JPH3: variants seen among roughly 807,000 people sequenced by gnomAD.
The protein encoded by JPH3 is junctophilin-3.
A neutral mutation model predicts 59.6 loss-of-function variants in JPH3; 11 were observed. The observed-to-expected ratio is 0.18, with a 90% CI of 0.12 to 0.31. The LOEUF (loss-of-function observed/expected upper bound fraction) is 0.31. JPH3 is among the 10% of genes least tolerant of loss of function. JPH3 has a pLI of 1.00. For missense variants in JPH3, 1,202 were observed against 1,105.7 expected, an observed-to-expected ratio of 1.09 and a Z score of -1.24; for synonymous variants, 673 against 483.6, an observed-to-expected ratio of 1.39 and a Z score of -5.14.
chr16:87,604,833 G>T, intron 1 of JPH3: 1 of 389,916 alleles, frequency 2.6e-6, no homozygotes, highest in East Asian at 7.6e-5. Context: ...GCTCCTGCCT[G>T]TCAAAGCCGT....
intron 2 of JPH3, among the ~76,000 whole-genome samples, chr16:87,673,483 ACTTCTGGAAGTAT>A (rs1436320034): frequency 5.3e-5 from 8 of 152,180 alleles, no homozygotes. Flanking sequence ...CAACAGCGGC[ACTTCTGGAAGTAT>A]CTTCTGAAGA....
chr16:87,605,418 G>C lies in JPH3; in HGVS notation c.382+1890G>C, dbSNP rs1329633353. On this transcript the variant is annotated intron_variant, in intron 1 of 4. Coordinates refer to ENST00000284262, the MANE Select transcript of JPH3 (RefSeq NM_020655.4). ...CACACTGAGCAAAGCAGACAGCCAG[G>C]TGTCCTAGGCTTTGGAAAAACCACA... 2.0e-5 allele frequency among the ~76,000 whole-genome samples: 3 copies of C among 152,166 alleles called. No homozygotes were observed. The East Asian group carries it at 5.8e-4, about 29-fold the overall frequency.
At chr16:87,679,811 C>T (rs1054403822) in intron 2 of JPH3, among the ~76,000 whole-genome samples, 2 of 152,234 alleles carry the variant, frequency 1.3e-5, no homozygotes, top group Non-Finnish European at 2.9e-5. Flanking sequence ...GCCAGGGGCC[C>T]CCTCAGCACA....
chr16:87,687,093 C>A (rs1187924635), intron 3 of JPH3, among the ~76,000 whole-genome samples: 2 of 152,184 alleles, frequency 1.3e-5, no homozygotes, highest in Admixed American at 1.3e-4. Context: ...TTGATCCAAG[C>A]ATTTCTTGTT....
At chr16:87,641,742 C>T (rs532652017) in intron 1 of JPH3, among the ~76,000 whole-genome samples, 4 of 152,360 alleles carry the variant, frequency 2.6e-5, no homozygotes, top group East Asian at 3.9e-4. Flanking sequence ...GGGCTCTGTC[C>T]GGGGCTGCAG....
intron 1 of JPH3, among the ~76,000 whole-genome samples, chr16:87,628,797 C>T (rs369136725): frequency 2.6e-5 from 4 of 151,874 alleles, no homozygotes; most frequent in African/African-American, 7.3e-5. Flanking sequence ...TGGGTGAGGT[C>T]GGGGTAAGAG....
At chr16:87,665,420 C>G (rs1597275640) in intron 2 of JPH3, among the ~76,000 whole-genome samples, 1 of 152,374 alleles carries the variant, frequency 6.6e-6, no homozygotes, top group East Asian at 1.9e-4. Flanking sequence ...ACCCCGGACC[C>G]CGCACTTTGC....
chr16:87,619,194 TC>T (rs896263371), intron 1 of JPH3, among the ~76,000 whole-genome samples: 1 of 151,688 alleles, frequency 6.6e-6, no homozygotes, highest in Admixed American at 6.6e-5. Context: ...GTGCCTGTAG[TC>T]CCAGCTATGA....
intron 1 of JPH3, among the ~76,000 whole-genome samples, chr16:87,625,000 T>C (rs2031318817): frequency 6.6e-6 from 1 of 152,188 alleles, no homozygotes; most frequent in African/African-American, 2.4e-5. Context: ...GGTATCAACA[T>C]GTTGGCCAGG....
intron 2 of JPH3, among the ~76,000 whole-genome samples, chr16:87,668,009 T>G (rs779140789): frequency 5.9e-5 from 9 of 152,188 alleles, no homozygotes; most frequent in Non-Finnish European, 7.4e-5. Context: ...CTCTGTGGCT[T>G]CAGAAACTTA....
At chr16:87,638,781 T>C (rs560170095) in intron 1 of JPH3, among the ~76,000 whole-genome samples, 1 of 151,988 alleles carries the variant, frequency 6.6e-6, no homozygotes, top group Non-Finnish European at 1.5e-5. Flanking sequence ...AGCCATAGAG[T>C]GCTGAGAATT....
chr16:87,687,652 G>A (rs756676038), intron 3 of JPH3, among the ~76,000 whole-genome samples: 1 of 152,196 alleles, frequency 6.6e-6, no homozygotes, highest in East Asian at 1.9e-4. Context: ...GGGGCTTCAC[G>A]AGGACCCGCC....
intron 2 of JPH3, among the ~76,000 whole-genome samples, chr16:87,656,480 C>T (rs545626952): frequency 1.5e-4 from 23 of 152,282 alleles, no homozygotes; most frequent in African/African-American, 4.8e-4. Context: ...TCTGCAACGA[C>T]GGGATCAGAT....
At chr16:87,684,670 G>A (rs1403363821) in intron 3 of JPH3, among the ~76,000 whole-genome samples, 3 of 152,228 alleles carry the variant, frequency 2.0e-5, no homozygotes, top group African/African-American at 4.8e-5. Context: ...GTGTGTCTGC[G>A]GTCCTGGCTC....
At chr16:87,661,643 A>G (rs1016632194) in intron 2 of JPH3, among the ~76,000 whole-genome samples, 2 of 152,232 alleles carry the variant, frequency 1.3e-5, no homozygotes, top group South Asian at 4.1e-4. Context: ...AAGGCCAGCC[A>G]TGTCTGCTCA....
chr16:87,695,893 G>T (rs1324039918), intron 4 of JPH3: 1 of 456,070 alleles, frequency 2.2e-6, no homozygotes, highest in East Asian at 6.9e-5. Context: ...GCGGCTGAAG[G>T]GGGAGTCTGG....
At chr16:87,681,831 T>C (rs1441677951) in intron 2 of JPH3, among the ~76,000 whole-genome samples, 4 of 152,180 alleles carry the variant, frequency 2.6e-5, no homozygotes, top group African/African-American at 9.7e-5. Flanking sequence ...GGGCTGATTT[T>C]CGGGCAGGTG....
intron 1 of JPH3, among the ~76,000 whole-genome samples, chr16:87,625,366 C>T (rs1332598823): frequency 6.6e-6 from 1 of 152,168 alleles, no homozygotes; most frequent in East Asian, 1.9e-4. Context: ...TGGCCAGTCA[C>T]TCTCCTCCTC....
chr16:87,689,520 T>C, intron 3 of JPH3, 126 bp from the exon 4 acceptor site: 1 of 1,038,738 alleles, frequency 9.6e-7, no homozygotes, highest in Non-Finnish European at 1.4e-6. Context: ...GCCTGCAGCC[T>C]TTCGGTGAGT....
Sources: allele counts gnomAD v4.1 joint callset (sites outside exome capture counted in the v4.1 genomes callset), GRCh38; gene constraint gnomAD v4.1.1; transcripts MANE v1.5; gene names NCBI Gene and HGNC (gene_info 2026-07-23, HGNC 2026-07-21).